The following PDE1C variants were observed in gnomAD, a reference collection of about 807,000 sequenced individuals.
PDE1C encodes phosphodiesterase 1C.
Under a neutral mutation model 93.1 loss-of-function variants are expected in PDE1C, and 62 were observed. The ratio of observed to expected loss-of-function variants is 0.67; its 90% CI spans 0.54 to 0.82. PDE1C has a LOEUF of 0.82. Among genes scored for constraint, PDE1C ranks in the 40% least tolerant of loss-of-function variants. The pLI is 0.00. For missense variants in PDE1C, 742 were observed against 884.6 expected (o/e 0.84, Z 2.04); for synonymous variants, 325 against 310.1 (o/e 1.05, Z -0.50).
chr7:32,135,531 T>A (rs989999261), intron 3 of PDE1C, among the ~76,000 whole-genome samples: 7 of 152,168 alleles, frequency 4.6e-5, no homozygotes, highest in African/African-American at 1.7e-4. Context: ...GTGTTCAACA[T>A]TACTAACCAT....
At position 32,053,960 on chromosome 7, in the gene PDE1C, G is replaced by A. The variant is rs955564476; in HGVS notation, c.102-2380C>T. ...TTGCTGGGTGAAATGTCAGCAGGAA[G>A]AAATATGGAAGTATACAGCAAGCAG... On this transcript the variant is annotated intron_variant, in intron 1 of 17. Transcript: ENST00000396191. Among the ~76,000 whole-genome samples the A allele has an allele frequency of 2.6e-5, 4 of 151,982 alleles. No homozygotes were observed. The South Asian group carries it at 6.2e-4, about 24-fold the overall frequency.
the PDE1C span, among the ~76,000 whole-genome samples, chr7:31,629,577 T>C: frequency 2.0e-5 from 3 of 152,182 alleles, no homozygotes; most frequent in Non-Finnish European, 4.4e-5. Flanking sequence ...GAAAATGATA[T>C]GAAAAGATGC....
At chr7:31,649,997 A>G in the PDE1C span, among the ~76,000 whole-genome samples, 1 of 152,098 alleles carries the variant, frequency 6.6e-6, no homozygotes, top group Non-Finnish European at 1.5e-5. Flanking sequence ...AAAGTGAAAA[A>G]TCACAAAGAA....
chr7:32,006,144 G>C (rs1481344488), intron 2 of PDE1C, among the ~76,000 whole-genome samples: 3 of 151,982 alleles, frequency 2.0e-5, no homozygotes, highest in African/African-American at 7.2e-5. Context: ...AGTTTTATTT[G>C]TTTAATCTGG....
chr7:31,824,851 A>C lies in PDE1C; in HGVS notation c.1406+16T>G. 6.2e-7 allele frequency: 1 copy of C among 1,611,626 alleles called. No individual in the cohort carries two copies. On this transcript the variant is annotated intron_variant, in intron 13 of 17. Transcript: ENST00000396191. ...CAGGCCAACCTCACCCTCAGCCCTC[A>C]AGCTTCCCCACTGACCTCGAACGCC... is the stretch of plus-strand genomic sequence containing the variant.
chr7:32,149,124 C>A (rs1443834291), intron 3 of PDE1C, among the ~76,000 whole-genome samples: 1 of 152,126 alleles, frequency 6.6e-6, no homozygotes, highest in Non-Finnish European at 1.5e-5. Context: ...AAATTAAACA[C>A]TGCAGAGTAC....
At chr7:32,208,718 C>G (rs906125973) in intron 2 of PDE1C, among the ~76,000 whole-genome samples, 1 of 150,030 alleles carries the variant, frequency 6.7e-6, no homozygotes, top group Admixed American at 6.6e-5. Flanking sequence ...ATTTTCCCCC[C>G]CCTTCTTTGG....
intron 2 of PDE1C, among the ~76,000 whole-genome samples, chr7:31,994,210 T>C (rs1268527212): frequency 6.6e-6 from 1 of 152,198 alleles, no homozygotes; most frequent in Non-Finnish European, 1.5e-5. Flanking sequence ...TTTTATTTTA[T>C]GGTCTTGAGT....
chr7:31,990,728 T>G (rs1217487049), intron 2 of PDE1C, among the ~76,000 whole-genome samples: 1 of 152,202 alleles, frequency 6.6e-6, no homozygotes, highest in East Asian at 1.9e-4. Flanking sequence ...TAAAGAGAAA[T>G]TATCTGCTTT....
the PDE1C span, among the ~76,000 whole-genome samples, chr7:31,729,844 T>C: frequency 4.6e-5 from 7 of 152,174 alleles, no homozygotes; most frequent in African/African-American, 1.4e-4. Context: ...TTTTAAACTA[T>C]TCTCAGGAGC....
chr7:32,250,752 C>G (rs1355263991), intron 1 of PDE1C, among the ~76,000 whole-genome samples: 3 of 152,186 alleles, frequency 2.0e-5, no homozygotes, highest in Non-Finnish European at 4.4e-5. Context: ...CAGAGTAAAG[C>G]CTTTCAAACT....
intron 3 of PDE1C, among the ~76,000 whole-genome samples, chr7:32,082,622 C>A (rs1295894345): frequency 1.3e-5 from 2 of 152,210 alleles, no homozygotes; most frequent in Admixed American, 6.5e-5. Flanking sequence ...CAGACTGACA[C>A]CTCACACGGC....
chr7:32,169,256 C>A (rs1293777874), intron 3 of PDE1C, among the ~76,000 whole-genome samples: 1 of 152,084 alleles, frequency 6.6e-6, no homozygotes, highest in Non-Finnish European at 1.5e-5. Flanking sequence ...AAATAAGAGA[C>A]CTTGCAGGAA....
intron 1 of PDE1C, among the ~76,000 whole-genome samples, chr7:32,250,737 C>T (rs887500123): frequency 6.6e-6 from 1 of 152,284 alleles, no homozygotes; most frequent in Non-Finnish European, 1.5e-5. Flanking sequence ...TTTAATGATT[C>T]GGGGCAGAGT....
At chr7:32,271,479 G>A (rs1433128494) in intron 1 of PDE1C, among the ~76,000 whole-genome samples, 2 of 152,150 alleles carry the variant, frequency 1.3e-5, no homozygotes, top group African/African-American at 4.8e-5. Context: ...ATTTAACCCA[G>A]GAACACGATC....
the PDE1C span, chr7:31,707,356 T>C: frequency 2.4e-6 from 3 of 1,267,234 alleles, no homozygotes; most frequent in Non-Finnish European, 3.3e-6. Flanking sequence ...AAAAATAGAC[T>C]TGTTTCTGCT....
chr7:32,061,128 T>C (rs1794751872), intron 1 of PDE1C, among the ~76,000 whole-genome samples: 1 of 152,354 alleles, frequency 6.6e-6, no homozygotes, highest in East Asian at 1.9e-4. Flanking sequence ...TTGGTTGGAA[T>C]CTGGATAAAC....
chr7:32,174,963 T>C (rs545480222), intron 2 of PDE1C, among the ~76,000 whole-genome samples: 3 of 152,292 alleles, frequency 2.0e-5, no homozygotes, highest in African/African-American at 7.2e-5. Context: ...AAACTATTAA[T>C]GAATTCATAA....
intron 2 of PDE1C, among the ~76,000 whole-genome samples, chr7:32,026,941 A>G (rs1443801342): frequency 6.6e-6 from 1 of 152,182 alleles, no homozygotes; most frequent in East Asian, 1.9e-4. Flanking sequence ...TATGATTCCA[A>G]CTATATGACA....
Sources: gnomAD v4.1 joint callset for allele counts (sites outside exome capture counted in the v4.1 genomes callset) on GRCh38, gnomAD v4.1.1 for gene constraint, MANE v1.5 for transcripts, NCBI Gene and HGNC (gene_info 2026-07-23, HGNC 2026-07-21) for gene names.